The following CRMP1 variants were observed in gnomAD, a reference collection of about 807,000 sequenced individuals.
The protein encoded by CRMP1 is collapsin response mediator protein 1.
CRMP1 carries 19 observed loss-of-function variants against 68.3 expected under a neutral mutation model. The ratio of observed to expected loss-of-function variants is 0.28; its 90% CI spans 0.19 to 0.41. The LOEUF (loss-of-function observed/expected upper bound fraction) is 0.41, where lower values mean the gene tolerates loss of function less well. CRMP1 is among the 10% of genes least tolerant of loss of function. CRMP1 has a pLI of 1.00. For missense variants in CRMP1, 791 were observed against 967.4 expected (o/e 0.82, Z 2.42); for synonymous variants, 439 against 399.6 (o/e 1.10, Z -1.18).
rs1211001477 is a variant in CRMP1, at chr4:5,891,735, C to G, written c.381+854G>C. Among the ~76,000 whole-genome samples, 3 of 152,218 alleles carry G rather than the reference C, an allele frequency of 2.0e-5. No homozygotes were observed. Among genetic ancestry groups the G allele is most frequent in the Admixed American group, 2.0e-4 (3 of 15,284 alleles). On this transcript the variant is annotated intron_variant, in intron 1 of 13. Coordinates refer to ENST00000324989, the MANE Select transcript of CRMP1 (RefSeq NM_001014809.3). This position sits in a 1 kb window ranked among gnomAD's most constrained non-coding sequence, Gnocchi z 5.2. ...TGACCCTGGCTCTCGTCGGTCCATCCAAAGGCTACGCCGTCCATCCGCCCT... is the reference window on the plus strand; with the variant it reads ...TGACCCTGGCTCTCGTCGGTCCATCGAAAGGCTACGCCGTCCATCCGCCCT...
intron 11 of CRMP1, among the ~76,000 whole-genome samples, chr4:5,833,047 C>G (rs1720484979): frequency 6.6e-6 from 1 of 152,134 alleles, no homozygotes; most frequent in Admixed American, 6.5e-5. Context: ...GAAGCAAGTA[C>G]TGCTGGGGAC....
chr4:5,882,911 T>C (rs898255609), intron 1 of CRMP1, among the ~76,000 whole-genome samples: 1 of 152,222 alleles, frequency 6.6e-6, no homozygotes, highest in African/African-American at 2.4e-5. Flanking sequence ...AACCCATTCA[T>C]ATCTAAGACA....
intron 5 of CRMP1, 54 bp from the exon 6 acceptor site, chr4:5,849,526 C>T: frequency 8.7e-7 from 1 of 1,155,630 alleles, no homozygotes; most frequent in South Asian, 1.3e-5. Context: ...AAAAAAATCA[C>T]AGCGTGTGCA....
chr4:5,878,638 T>C (rs912616565), intron 1 of CRMP1, among the ~76,000 whole-genome samples: 7 of 152,150 alleles, frequency 4.6e-5, no homozygotes, highest in Admixed American at 2.6e-4. Flanking sequence ...CCTAACGATA[T>C]GGGTGCAGAG....
chr4:5,846,741 C>T (rs1015305288), intron 6 of CRMP1, among the ~76,000 whole-genome samples: 15 of 149,978 alleles, frequency 1.0e-4, no homozygotes, highest in Non-Finnish European at 2.2e-4. Context: ...CAGGCACCCG[C>T]CACCATGCCC....
intron 1 of CRMP1, chr4:5,887,514 A>T: frequency 1.0e-6 from 1 of 984,954 alleles, no homozygotes; most frequent in Non-Finnish European, 1.2e-6. Context: ...GACAAAGCGT[A>T]AAGACGGGGA....
At chr4:5,835,832 C>A (rs1720691102) in intron 11 of CRMP1, 83 bp downstream of exon 11, 3 of 1,332,610 alleles carry the variant, frequency 2.3e-6, no homozygotes, top group South Asian at 2.5e-5. Context: ...TTGGAAAATT[C>A]ATAAATCATT....
At position 5,835,945 on chromosome 4, in the gene CRMP1, C is replaced by T. The variant is rs878930310; in HGVS notation, c.1593G>A (p.Leu531=). Reference sequence around the variant, plus strand: ...TGTGACTTTTGGCTGTTATGGTCTTCAACTTGTCGGGGTCCCAGATGACCA... The same window carrying T: ...TGTGACTTTTGGCTGTTATGGTCTTTAACTTGTCGGGGTCCCAGATGACCA... ...ADVVIWDPDK[L]KTITAKSHKS... The change falls in exon 11 of 14, where the codon TTG becomes TTA. Residue 531 remains leucine, a synonymous_variant. Coordinates refer to ENST00000324989, the MANE Select transcript of CRMP1 (RefSeq NM_001014809.3). The T allele has an allele frequency of 6.3e-7, 1 of 1,579,688 alleles. No individual in the cohort carries two copies. Among genetic ancestry groups the T allele is most frequent in the Non-Finnish European group, 8.6e-7 (1 of 1,163,918 alleles).
At position 5,892,451 on chromosome 4, in the gene CRMP1, G is replaced by A. The variant is rs916947520; in HGVS notation, c.381+138C>T. 125 of 878,868 alleles carry A rather than the reference G, an allele frequency of 1.4e-4. 1 individual carries two copies. Among genetic ancestry groups the A allele is most frequent in the Non-Finnish European group, 1.7e-4 (120 of 694,408 alleles). The allele number at this position is 878,868 out of a possible 1,614,324, so 54.4% of individuals were successfully genotyped here. On this transcript the variant is annotated intron_variant, in intron 1 of 13. Transcript: ENST00000324989. The surrounding 1 kb of genome is among the most constrained non-coding windows in gnomAD (Gnocchi z 8.6). ...CCTCTTGCATGATGAGGTGGGGGAG[G>A]GGCCGCGCCGTGGCTCTCCCCAGCC...
At position 5,865,449 on chromosome 4, in the gene CRMP1, C is replaced by T. The variant is rs371391432; in HGVS notation, c.470+1219G>A. Among the ~76,000 whole-genome samples, 153 of 152,000 alleles carry T rather than the reference C, an allele frequency of 1.0e-3. No homozygotes were observed. The highest frequency in any genetic ancestry group is 3.4e-3 in the African/African-American group (143 of 41,466). The stretch of plus-strand genomic sequence containing the variant: ...ATCCTGGCCAACATGGTGAAACCCC[C>T]GTCTCTACTAAAATGCAAAAAAGTA... On this transcript the variant is annotated intron_variant, in intron 2 of 13. Coordinates refer to ENST00000324989, the MANE Select transcript of CRMP1 (RefSeq NM_001014809.3). The surrounding 1 kb of genome is among the most constrained non-coding windows in gnomAD (Gnocchi z 4.1).
rs1240664263 is a variant in CRMP1 at position 5,821,453 on chromosome 4, T to A, written c.*307A>T. Reference sequence around the variant, plus strand: ...ACCACTCAGAGAATCATGGAGCCAGTGGAGTTAGAAGTGGAAGGGACAGAA... The same window carrying A: ...ACCACTCAGAGAATCATGGAGCCAGAGGAGTTAGAAGTGGAAGGGACAGAA... On this transcript the variant is annotated 3_prime_UTR_variant, in exon 14 of 14. Transcript: ENST00000324989. The surrounding 1 kb of genome is among the most constrained non-coding windows in gnomAD (Gnocchi z 4.4). 2.6e-6 allele frequency: 1 copy of A among 380,828 alleles called. No homozygotes were observed. Among genetic ancestry groups the A allele is most frequent in the Non-Finnish European group, 4.8e-6 (1 of 207,180 alleles). 23.6% of individuals were successfully genotyped at this position (380,828 alleles called of 1,614,324 possible). A position where few individuals can be genotyped will look rare whatever the true frequency, so the allele number is the denominator to read the frequency against.
chr4:5,849,605 T>A (rs887149344), intron 5 of CRMP1, 133 bp from the exon 6 acceptor site: 2 of 625,272 alleles, frequency 3.2e-6, no homozygotes, highest in African/African-American at 3.7e-5. Context: ...CACATTCATG[T>A]GGATGGAATA....
At chr4:5,885,892 A>C (rs984237592) in intron 1 of CRMP1, among the ~76,000 whole-genome samples, 3 of 121,636 alleles carry the variant, frequency 2.5e-5, no homozygotes, top group Non-Finnish European at 5.3e-5. Flanking sequence ...TTAACTTGTC[A>C]AATGACTACT....
chr4:5,848,976 C>T lies in CRMP1; in HGVS notation c.963+416G>A, dbSNP rs111839653. Among the ~76,000 whole-genome samples the T allele has an allele frequency of 7.1e-3, 1,075 of 152,324 alleles. 16 individuals carry two copies. Among genetic ancestry groups the T allele is most frequent in the African/African-American group, 0.024 (1,004 of 41,570 alleles). ...TTTCAACATATGAACTTTTGAAGGA[C>T]ACATTCAAGCCATGGCACATAATAT... On this transcript the variant is annotated intron_variant, in intron 6 of 13. Transcript: ENST00000324989.
Position 5,839,649 on chromosome 4 carries a change from C to A in CRMP1, c.1183G>T (p.Ala395Ser). ...TGGGTGCCATCGGTCCCCAGGCTGG[C>A]GGCAATGGGCTCTCCAAAAACTAGG... Reference protein sequence around the residue: ...GPLVFGEPIAASLGTDGTHYW... With the variant: ...GPLVFGEPIASSLGTDGTHYW... The change falls in exon 9 of 14, where the codon GCC becomes TCC. Residue 395 changes from alanine to serine, a missense_variant. Around this residue, in one of 3 missense-constraint regions of CRMP1, gnomAD observed 594 missense variants for 763.6 expected, o/e 0.78. Coordinates refer to ENST00000324989, the MANE Select transcript of CRMP1 (RefSeq NM_001014809.3). 2 of 1,612,780 alleles carry A rather than the reference C, an allele frequency of 1.2e-6. No individual in the cohort carries two copies. The highest frequency in any genetic ancestry group is 1.7e-6 in the Non-Finnish European group (2 of 1,179,472).
At chr4:5,876,861 A>C (rs1013385431) in intron 1 of CRMP1, among the ~76,000 whole-genome samples, 47 of 152,110 alleles carry the variant, frequency 3.1e-4, no homozygotes, top group African/African-American at 1.1e-3. Flanking sequence ...CATTCACCAG[A>C]TCTAGATTAC....
intron 12 of CRMP1, among the ~76,000 whole-genome samples, chr4:5,827,783 T>C (rs1313921012): frequency 1.3e-5 from 2 of 151,848 alleles, no homozygotes; most frequent in Non-Finnish European, 2.9e-5. Flanking sequence ...AAACATCAGC[T>C]GTCTCATGGG....
chr4:5,884,534 T>C (rs573633367), intron 1 of CRMP1, among the ~76,000 whole-genome samples: 6 of 151,278 alleles, frequency 4.0e-5, no homozygotes, highest in African/African-American at 1.5e-4. Flanking sequence ...AGCCCACCTA[T>C]CCTCCCTGCT....
At position 5,856,245 on chromosome 4, in the gene CRMP1, C is replaced by T; in HGVS notation, c.718G>A (p.Ala240Thr). The T allele has an allele frequency of 6.2e-7, 1 of 1,614,012 alleles. No individual in the cohort carries two copies. Among genetic ancestry groups the T allele is most frequent in the Non-Finnish European group, 8.5e-7 (1 of 1,179,916 alleles). Residue 240 changes from alanine (A) to threonine (T), a missense_variant, in exon 4 of 14, where the codon GCA becomes ACA. Ala to Thr is a moderately conservative substitution (Grantham distance 58). Transcript: ENST00000324989. ...TCACAGCAGGATTTGGTGTCAGCTGCTTCGTGCCACTTCTCGAAAGAGGTC... is the reference window on the plus strand; with the variant it reads ...TCACAGCAGGATTTGGTGTCAGCTGTTTCGTGCCACTTCTCGAAAGAGGTC... ...LLTSFEKWHE[A>T]ADTKSCCDYS...
Sources: gnomAD v4.1 joint callset for allele counts (sites outside exome capture counted in the v4.1 genomes callset) on GRCh38, gnomAD v4.1.1 for gene constraint, gnomAD v4.1.1 regional missense constraint, Gnocchi (gnomAD v3.1) non-coding constraint, MANE v1.5 for transcripts, NCBI Gene and HGNC (gene_info 2026-07-23, HGNC 2026-07-21) for gene names.